Variants in SPTLC1 observed in about 807,000 individuals in gnomAD.
SPTLC1 encodes the protein serine palmitoyltransferase long chain base subunit 1, also known as serine palmitoyltransferase 1.
In SPTLC1, 55 loss-of-function variants were observed where a neutral mutation model predicts 68.9. The observed-to-expected ratio is 0.80, with a 90% CI of 0.64 to 1.00. The LOEUF (loss-of-function observed/expected upper bound fraction) is 1.00, where lower values mean the gene tolerates loss of function less well. Ranked by LOEUF, SPTLC1 falls within the 50% of genes least tolerant of loss-of-function variation. The pLI, the probability that SPTLC1 is intolerant of heterozygous loss-of-function variation, is 0.00. For synonymous variants in SPTLC1, 197 were observed against 201.6 expected, an observed-to-expected ratio of 0.98 and a Z score of 0.19; for missense variants, 449 against 573.1, an observed-to-expected ratio of 0.78 and a Z score of 2.21.
chr9:92,036,810 T>A (rs911912175), intron 13 of SPTLC1, among the ~76,000 whole-genome samples: 3 of 152,256 alleles, frequency 2.0e-5, no homozygotes, highest in African/African-American at 7.2e-5. Context: ...AGTTTTGTGT[T>A]TGTCTGTATT....
At chr9:92,072,360 T>C (rs535182043) in intron 5 of SPTLC1, among the ~76,000 whole-genome samples, 3 of 152,272 alleles carry the variant, frequency 2.0e-5, no homozygotes, top group African/African-American at 7.2e-5. Flanking sequence ...CTCTTATCCA[T>C]GTTTCCAAAA....
intron 5 of SPTLC1, among the ~76,000 whole-genome samples, chr9:92,071,992 T>C (rs1263689933): frequency 6.6e-6 from 1 of 152,150 alleles, no homozygotes; most frequent in Non-Finnish European, 1.5e-5. Flanking sequence ...ACCCCTAACC[T>C]ATAAAACCAT....
intron 3 of SPTLC1, among the ~76,000 whole-genome samples, chr9:92,105,783 G>T (rs1459071627): frequency 3.3e-5 from 5 of 151,642 alleles, no homozygotes; most frequent in Admixed American, 1.3e-4. Flanking sequence ...TGGGAAGTAA[G>T]GAGCGCCTCT....
chr9:92,069,963 A>T (rs993753058), intron 5 of SPTLC1, among the ~76,000 whole-genome samples: 1 of 152,222 alleles, frequency 6.6e-6, no homozygotes, highest in Admixed American at 6.5e-5. Context: ...TGAGAATGTA[A>T]AACTGAGTAT....
At position 92,032,463 on chromosome 9, in the gene SPTLC1, G is replaced by A; in HGVS notation, c.*2C>T. On this transcript the variant is annotated 3_prime_UTR_variant, in exon 15 of 15. Transcript: ENST00000262554. The stretch of plus-strand genomic sequence containing the variant: ...CAGGAGGCCATGGTCCCGGGACTCT[G>A]CCTAGAGCAGGACGGCCTGGGCTAC... 6.2e-7 allele frequency: 1 copy of A among 1,614,184 alleles called. No individual in the cohort carries two copies. Among genetic ancestry groups the A allele is most frequent in the Non-Finnish European group, 8.5e-7 (1 of 1,180,036 alleles).
At chr9:92,114,666 C>T (rs568635882) in intron 1 of SPTLC1, among the ~76,000 whole-genome samples, 14 of 150,828 alleles carry the variant, frequency 9.3e-5, no homozygotes, top group South Asian at 2.1e-4. Context: ...ACCCGGGAGG[C>T]GGAGGTTGTA....
chr9:92,055,239 CA>C (rs1833845752), intron 8 of SPTLC1, 165 bp downstream of exon 8: 1 of 1,476,334 alleles, frequency 6.8e-7, no homozygotes, highest in Non-Finnish European at 9.0e-7. Flanking sequence ...TGAAGGCCAG[CA>C]CTGGCATTCA....
At position 92,104,178 on chromosome 9, in the gene SPTLC1, G is replaced by A. The variant is rs561890095; in HGVS notation, c.260+4562C>T. On this transcript the variant is annotated intron_variant, in intron 3 of 14. Transcript: ENST00000262554. ...CTCTCCGCTTCTGACCCTTAGTTTC[G>A]TCTGTGCACAACTCGCTCAAAATGG... Among the ~76,000 whole-genome samples, 5 of 152,248 alleles carry A rather than the reference G, an allele frequency of 3.3e-5. No homozygotes were observed. The South Asian group carries it at 6.2e-4, about 19-fold the overall frequency.
chr9:92,088,599 C>T (rs1835245336), intron 3 of SPTLC1, among the ~76,000 whole-genome samples: 1 of 152,092 alleles, frequency 6.6e-6, no homozygotes, highest in Admixed American at 6.5e-5. Context: ...CACCCATGTA[C>T]CAAAGGTGCC....
chr9:92,115,407 G>A lies in SPTLC1; in HGVS notation c.-37C>T. 1 of 1,608,822 alleles carries A rather than the reference G, an allele frequency of 6.2e-7. No homozygotes were observed. The highest frequency in any genetic ancestry group is 8.5e-7 in the Non-Finnish European group (1 of 1,176,036). On this transcript the variant is annotated 5_prime_UTR_variant, in exon 1 of 15. Transcript: ENST00000262554. The stretch of plus-strand genomic sequence containing the variant: ...TCCTTCCGGAAGGCGGGTCACAAGC[G>A]CGTCCCAAAAGTGCGCGTCGCTGCT...
chr9:92,073,643 A>C (rs1285324348), intron 5 of SPTLC1, among the ~76,000 whole-genome samples: 1 of 152,118 alleles, frequency 6.6e-6, no homozygotes, highest in African/African-American at 2.4e-5. Context: ...GCATTTTATT[A>C]CCCAGTCAGC....
At chr9:92,062,654 C>T (rs896951309) in intron 6 of SPTLC1, among the ~76,000 whole-genome samples, 23 of 152,138 alleles carry the variant, frequency 1.5e-4, no homozygotes, top group Admixed American at 6.6e-4. Context: ...AAACAATACA[C>T]TTCTAAATAA....
chr9:92,077,242 C>T (rs948592981), intron 5 of SPTLC1, among the ~76,000 whole-genome samples: 16 of 152,090 alleles, frequency 1.1e-4, no homozygotes, highest in Admixed American at 7.2e-4. Flanking sequence ...AGACACCACC[C>T]CTCTTGGTGA....
intron 5 of SPTLC1, among the ~76,000 whole-genome samples, chr9:92,071,297 G>A (rs1293169512): frequency 6.6e-6 from 1 of 152,002 alleles, no homozygotes; most frequent in African/African-American, 2.4e-5. Context: ...CTACCTGGGA[G>A]GCTGAGGCAG....
intron 6 of SPTLC1, among the ~76,000 whole-genome samples, chr9:92,067,321 G>C (rs12235309): frequency 0.062 from 9,021 of 146,016 alleles, 647 homozygotes; most frequent in East Asian, 0.26. Context: ...AAAAAAAACA[G>C]AGAAGAGGAA....
intron 12 of SPTLC1, among the ~76,000 whole-genome samples, chr9:92,045,469 T>C (rs28552704): frequency 0.11 from 14,099 of 123,810 alleles, 1,607 homozygotes; most frequent in African/African-American, 0.31. Flanking sequence ...ACAATGTGCA[T>C]ATGTACCCTA....
chr9:92,050,811 A>AGTTGTTTTTTT (rs1833680126), intron 8 of SPTLC1: 1 of 104,978 alleles, frequency 9.5e-6, no homozygotes, highest in Non-Finnish European at 1.7e-5. Flanking sequence ...CACAATACTG[A>AGTTGTTTTTTT]TTTTTTTTTT....
intron 11 of SPTLC1, chr9:92,046,259 C>T: frequency 1.7e-6 from 1 of 591,138 alleles, no homozygotes; most frequent in Non-Finnish European, 3.0e-6. Context: ...ACCTCAGTAT[C>T]CCACTTTCAA....
chr9:92,078,602 G>T (rs768329287), intron 5 of SPTLC1, among the ~76,000 whole-genome samples: 4 of 152,206 alleles, frequency 2.6e-5, no homozygotes, highest in African/African-American at 9.6e-5. Flanking sequence ...GGGACTACAG[G>T]TTCACGCTAG....
Sources: allele counts gnomAD v4.1 joint callset (sites outside exome capture counted in the v4.1 genomes callset), GRCh38; gene constraint gnomAD v4.1.1; transcripts MANE v1.5; gene names NCBI Gene and HGNC (gene_info 2026-07-23, HGNC 2026-07-21).